Variants in TG observed in about 807,000 individuals in gnomAD.
TG encodes thyroglobulin, also known as thyroid hormones.
TG carries 270 observed loss-of-function variants against 324.7 expected under a neutral mutation model. The observed-to-expected ratio is 0.83, with a 90% CI of 0.75 to 0.92. The LOEUF (loss-of-function observed/expected upper bound fraction) is 0.92, where lower values mean the gene tolerates loss of function less well. Ranked by LOEUF, TG falls within the 40% of genes least tolerant of loss-of-function variation. TG has a pLI of 0.00. For missense variants in TG, 3,591 were observed against 3,456.4 expected (o/e 1.04, Z -0.98); for synonymous variants, 1,401 against 1,327.0 (o/e 1.06, Z -1.21).
intron 43 of TG, among the ~76,000 whole-genome samples, chr8:133,105,751 A>T (rs1300678852): frequency 1.3e-5 from 2 of 152,214 alleles, no homozygotes. Flanking sequence ...AAAAGGGGAC[A>T]GGGTGGCAGC....
Position 132,887,287 on chromosome 8 carries a change from G to A in TG, c.1915G>A (p.Val639Met), listed in dbSNP as rs1298734604. 2.5e-6 allele frequency: 4 copies of A among 1,603,828 alleles called. No homozygotes were observed. The highest frequency in any genetic ancestry group is 1.7e-5 in the Admixed American group (1 of 59,578). ...ATGCTTTTCCGGAGAGTGCTGGTGT[G>A]TGAATTCCTGGGGCAAAGAGCTTCC... ...VQCFSGECWC[V>M]NSWGKELPGS... The change falls in exon 9 of 48, where the codon GTG (valine) becomes ATG (methionine). Residue 639 changes from valine to methionine, a missense_variant. By Grantham distance (21) the Val-to-Met change is conservative. Coordinates refer to ENST00000220616, the MANE Select transcript of TG (RefSeq NM_003235.5).
chr8:133,036,115 C>T (rs946109397), intron 41 of TG, among the ~76,000 whole-genome samples: 2 of 152,226 alleles, frequency 1.3e-5, no homozygotes, highest in African/African-American at 4.8e-5. Context: ...ACTCCATACA[C>T]TTCCTAGATC....
At chr8:132,977,698 C>T (rs571063980) in intron 34 of TG, among the ~76,000 whole-genome samples, 14 of 152,226 alleles carry the variant, frequency 9.2e-5, no homozygotes, top group Admixed American at 3.3e-4. Flanking sequence ...TTCGCTATCA[C>T]GAGAATAGCA....
In TG at chr8:133,011,928, C is replaced by T. The variant is rs150031397; in HGVS notation, c.6290C>T (p.Ala2097Val). ...TCTCTGGACTCGTGGCAGTCCCTGG[C>T]CCTCTCTTCAGTGGTTGTTGATCCA... ...KVSLDSWQSL[A>V]LSSVVVDPSI... Residue 2097 changes from alanine (A) to valine (V), a missense_variant, in exon 36 of 48, where the codon GCC becomes GTC. Coordinates refer to ENST00000220616, the MANE Select transcript of TG (RefSeq NM_003235.5). The T allele has an allele frequency of 5.6e-6, 9 of 1,614,156 alleles. No homozygotes were observed. The highest frequency in any genetic ancestry group is 6.8e-6 in the Non-Finnish European group (8 of 1,180,020).
intron 10 of TG, among the ~76,000 whole-genome samples, chr8:132,893,476 TGTGTG>T (rs1816627033): frequency 1.7e-5 from 2 of 117,710 alleles, no homozygotes; most frequent in African/African-American, 6.7e-5. Flanking sequence ...GGTGTGTATG[TGTGTG>T]GTGTGGTGTG....
chr8:132,910,609 T>C (rs1397252221), intron 18 of TG, among the ~76,000 whole-genome samples: 1 of 152,140 alleles, frequency 6.6e-6, no homozygotes, highest in East Asian at 1.9e-4. Flanking sequence ...GAGAGATCCT[T>C]GCCCCTTCCA....
chr8:133,014,888 T>C (rs917444650), intron 37 of TG, among the ~76,000 whole-genome samples: 1 of 152,290 alleles, frequency 6.6e-6, no homozygotes, highest in Admixed American at 6.5e-5. Flanking sequence ...AGTCAGGCTA[T>C]GTAGATTTTT....
intron 43 of TG, among the ~76,000 whole-genome samples, chr8:133,097,710 A>G (rs1393942672): frequency 6.6e-6 from 1 of 152,234 alleles, no homozygotes; most frequent in Non-Finnish European, 1.5e-5. Context: ...AACATTGGCT[A>G]CCTCTGGAGA....
intron 22 of TG, among the ~76,000 whole-genome samples, chr8:132,927,791 C>G (rs925469576): frequency 6.6e-6 from 1 of 152,212 alleles, no homozygotes; most frequent in Non-Finnish European, 1.5e-5. Context: ...TTTTGAGCAT[C>G]TGGTCTGTAC....
At chr8:133,118,320 CTTTTT>C (rs34171048) in intron 45 of TG, among the ~76,000 whole-genome samples, 95 of 88,972 alleles carry the variant, frequency 1.1e-3, no homozygotes, top group Admixed American at 2.4e-3. Context: ...CAGATTCTTC[CTTTTT>C]TTTTTTTTTT....
At position 133,131,910 on chromosome 8, in the gene TG, A is replaced by G. The variant is rs114055648; in HGVS notation, c.7961A>G (p.Lys2654Arg). The G allele has an allele frequency of 1.4e-5, 22 of 1,614,190 alleles. No homozygotes were observed. In the African/African-American group the frequency reaches 2.7e-4, roughly 20 times the overall value. The change falls in exon 46 of 48, where the codon AAA becomes AGA. Residue 2654 changes from lysine (K) to arginine (R), a missense_variant. Physicochemically the swap from Lys to Arg is conservative, Grantham distance 26 (BLOSUM62 2). Coordinates refer to ENST00000220616, the MANE Select transcript of TG (RefSeq NM_003235.5). Reference protein sequence around the residue: ...FSLEEKSLSLKIMQYFSHFIR... With the variant: ...FSLEEKSLSLRIMQYFSHFIR... ...CTGGAGGAGAAGAGCCTGTCGCTGA[A>G]AATCATGCAGTACTTTTCCCACTTC... is the stretch of plus-strand genomic sequence containing the variant.
At chr8:133,055,351 ACACACGCACGCG>A (rs1454475243) in intron 41 of TG, among the ~76,000 whole-genome samples, 9 of 82,100 alleles carry the variant, frequency 1.1e-4, no homozygotes, top group Admixed American at 3.7e-4. Flanking sequence ...TTCAGGACAC[ACACACGCACGCG>A]CGCACACACA....
rs183822165 is a variant in TG at position 132,934,431 on chromosome 8, A to G, written c.4932+755A>G. On this transcript the variant is annotated intron_variant, in intron 24 of 47. Transcript: ENST00000220616. ...ATTGCTGTTCTGTGAGTCAAAGCTT[A>G]TAGAGTATTGTCAGTTTCATGTGGT... Among the ~76,000 whole-genome samples, 181 of 152,342 alleles carry G rather than the reference A, an allele frequency of 1.2e-3. 1 individual carries two copies. Among genetic ancestry groups the G allele is most frequent in the African/African-American group, 4.2e-3 (174 of 41,572 alleles).
At chr8:133,005,025 T>C (rs1833900467) in intron 35 of TG, among the ~76,000 whole-genome samples, 2 of 152,134 alleles carry the variant, frequency 1.3e-5, no homozygotes, top group Non-Finnish European at 2.9e-5. Context: ...GAGGGAGTGG[T>C]GGAAACATTC....
At chr8:132,899,066 C>T in intron 14 of TG, 156 bp downstream of exon 14, 1 of 718,892 alleles carries the variant, frequency 1.4e-6, no homozygotes, top group Non-Finnish European at 2.5e-6. Context: ...GGTTCTGTGA[C>T]CTTGGGCTAT....
chr8:133,008,738 G>C (rs1393623416), intron 35 of TG, among the ~76,000 whole-genome samples: 1 of 152,234 alleles, frequency 6.6e-6, no homozygotes, highest in Non-Finnish European at 1.5e-5. Context: ...AAGCAAAAGG[G>C]TGTATTACTG....
At chr8:133,019,980 A>G (rs1252255921) in intron 39 of TG, among the ~76,000 whole-genome samples, 3 of 152,222 alleles carry the variant, frequency 2.0e-5, no homozygotes, top group Non-Finnish European at 4.4e-5. Flanking sequence ...GAGCACTTTT[A>G]TATCTATGAT....
chr8:132,889,483 G>A (rs756675977), intron 10 of TG, among the ~76,000 whole-genome samples: 2 of 152,186 alleles, frequency 1.3e-5, no homozygotes, highest in South Asian at 2.1e-4. Flanking sequence ...TGATGAGAAC[G>A]GTAATACCCT....
chr8:132,871,910 C>T (rs1587170051), intron 4 of TG, among the ~76,000 whole-genome samples: 1 of 152,106 alleles, frequency 6.6e-6, no homozygotes, highest in South Asian at 2.1e-4. Flanking sequence ...TGATGATGGT[C>T]CCATAAGATT....
Sources: allele counts gnomAD v4.1 joint callset (sites outside exome capture counted in the v4.1 genomes callset), GRCh38; gene constraint gnomAD v4.1.1; transcripts MANE v1.5; gene names NCBI Gene and HGNC (gene_info 2026-07-23, HGNC 2026-07-21).